The following PRKCZ variants were observed in gnomAD, a reference collection of about 807,000 sequenced individuals.
The protein encoded by PRKCZ is protein kinase C zeta type.
A neutral mutation model predicts 79.5 loss-of-function variants in PRKCZ; 33 were observed. The observed-to-expected ratio is 0.41, with a 90% CI of 0.31 to 0.55. PRKCZ has a LOEUF of 0.55. PRKCZ is among the 20% of genes least tolerant of loss of function. The pLI is 0.19. For synonymous variants in PRKCZ, 342 were observed against 320.9 expected, an observed-to-expected ratio of 1.07 and a Z score of -0.70; for missense variants, 578 against 813.5, an observed-to-expected ratio of 0.71 and a Z score of 3.52.
At chr1:2,146,778 A>G (rs551936405) in intron 7 of PRKCZ, among the ~76,000 whole-genome samples, 2 of 152,298 alleles carry the variant, frequency 1.3e-5, no homozygotes, top group East Asian at 3.9e-4. Context: ...AACATAAAGC[A>G]CTTAGTTCAC....
chr1:2,184,316 G>T (rs1394066944), intron 16 of PRKCZ: 7 of 391,332 alleles, frequency 1.8e-5, no homozygotes, highest in South Asian at 1.0e-4. Flanking sequence ...GGGTGGCCTC[G>T]CATGGGTGGC....
intron 4 of PRKCZ, among the ~76,000 whole-genome samples, chr1:2,060,968 G>A (rs529797069): frequency 1.1e-4 from 16 of 152,310 alleles, no homozygotes; most frequent in African/African-American, 3.6e-4. Flanking sequence ...GGGAGGGCAC[G>A]GTTCACTGCG....
chr1:2,085,124 G>T (rs1271406214), intron 4 of PRKCZ, among the ~76,000 whole-genome samples: 1 of 152,188 alleles, frequency 6.6e-6, no homozygotes, highest in Non-Finnish European at 1.5e-5. Context: ...TGCGGGTAGG[G>T]GGCGATTCCT....
At position 2,149,120 on chromosome 1, in the gene PRKCZ, AC is replaced by A. The variant is rs1679323489; in HGVS notation, c.687+198del. Reference sequence around the variant, plus strand: ...TACTTCAGGCATGTCCTTGATGAATACCTGCAGGCAGCTGTCCCCGCAGGTG... The same window carrying A: ...TACTTCAGGCATGTCCTTGATGAATACTGCAGGCAGCTGTCCCCGCAGGTG... On this transcript the variant is annotated intron_variant, in intron 8 of 17. Coordinates refer to ENST00000378567, the MANE Select transcript of PRKCZ (RefSeq NM_002744.6). The surrounding 1 kb of genome is among the most constrained non-coding windows in gnomAD (Gnocchi z 4.1). 6.6e-6 allele frequency among the ~76,000 whole-genome samples: 1 copy of A among 152,146 alleles called. No homozygotes were observed. Among genetic ancestry groups the A allele is most frequent in the Non-Finnish European group, 1.5e-5 (1 of 68,016 alleles).
At chr1:2,059,707 C>A in intron 4 of PRKCZ, 116 bp downstream of exon 4, 1 of 1,385,232 alleles carries the variant, frequency 7.2e-7, no homozygotes, top group South Asian at 1.2e-5. Context: ...CGTGGAGCGT[C>A]AGGGCAGGAG....
At position 2,168,907 on chromosome 1, in the gene PRKCZ, T is replaced by C. The variant is rs746805408; in HGVS notation, c.975-611T>C. On this transcript the variant is annotated intron_variant, in intron 10 of 17. Coordinates refer to ENST00000378567, the MANE Select transcript of PRKCZ (RefSeq NM_002744.6). The surrounding 1 kb of genome is among the most constrained non-coding windows in gnomAD (Gnocchi z 4.7). ...AAGATCTTATTAGGAAGAGAAACCA[T>C]GTGGCCCAGTCCCTGAGACGGGAAG... is the stretch of plus-strand genomic sequence containing the variant. The C allele has an allele frequency of 3.6e-6, 1 of 278,094 alleles. No homozygotes were observed. The highest frequency in any genetic ancestry group is 7.4e-6 in the Non-Finnish European group (1 of 134,928). 17.2% of individuals were successfully genotyped at this position (278,094 alleles called of 1,614,324 possible).
At chr1:2,144,954 T>G (rs1678194491) in intron 6 of PRKCZ, 1 of 152,894 alleles carries the variant, frequency 6.5e-6, no homozygotes. Flanking sequence ...TGGGCCCTGC[T>G]GCAGCGTGCA....
intron 4 of PRKCZ, among the ~76,000 whole-genome samples, chr1:2,078,009 G>A (rs987122201): frequency 1.8e-4 from 27 of 152,240 alleles, no homozygotes; most frequent in African/African-American, 5.1e-4. Context: ...GTTTAAATCA[G>A]TTTCCTAGAT....
At chr1:2,079,555 G>A (rs16824727) in intron 4 of PRKCZ, among the ~76,000 whole-genome samples, 17,319 of 152,196 alleles carry the variant, frequency 0.11, 1,128 homozygotes, top group East Asian at 0.21. Context: ...ACCGTGTCCC[G>A]GACCCTCATA....
rs755960642 is a variant in PRKCZ at position 2,073,936 on chromosome 1, C to T, written c.334+14345C>T. The T allele has an allele frequency of 7.0e-4, 940 of 1,346,078 alleles. 7 individuals carry two copies. The highest frequency in any genetic ancestry group is 1.6e-4 in the African/African-American group (11 of 67,564). The allele number at this position is 1,346,078 out of a possible 1,614,324, so 83.4% of individuals were successfully genotyped here. ...AGGCAGGAGAAGAAAGCCGGTGAGTCGGGGGCATCTCCCCCGTGGATTTTC... is the reference window on the plus strand; with the variant it reads ...AGGCAGGAGAAGAAAGCCGGTGAGTTGGGGGCATCTCCCCCGTGGATTTTC... On this transcript the variant is annotated intron_variant, in intron 4 of 17. Transcript: ENST00000378567.
Position 2,050,445 on chromosome 1 carries a change from C to A in PRKCZ, c.-186C>A. The A allele has an allele frequency of 4.8e-6, 1 of 207,110 alleles. No homozygotes were observed. The highest frequency in any genetic ancestry group is 1.6e-4 in the South Asian group (1 of 6,128). The allele number at this position is 207,110 out of a possible 1,614,324, so 12.8% of individuals were successfully genotyped here. ...CCGCCCCCCGCCCCCGCCGGACGGT[C>A]CCGCCCCGCGCGCCCCCCGCTCCCG... On this transcript the variant is annotated 5_prime_UTR_variant, in exon 1 of 18. Transcript: ENST00000378567.
chr1:2,060,564 C>T (rs1660581471), intron 4 of PRKCZ, among the ~76,000 whole-genome samples: 1 of 152,116 alleles, frequency 6.6e-6, no homozygotes, highest in African/African-American at 2.4e-5. Flanking sequence ...GTAGGGGAGG[C>T]CCCAGGAGCC....
chr1:2,184,733 C>A (rs1285263821), intron 17 of PRKCZ, 35 bp downstream of exon 17: 10 of 1,582,378 alleles, frequency 6.3e-6, no homozygotes, highest in Non-Finnish European at 8.6e-6. Context: ...CTGGAGCACC[C>A]CTCGGGCAGC....
intron 3 of PRKCZ, among the ~76,000 whole-genome samples, chr1:2,058,217 G>C (rs1235441706): frequency 4.6e-5 from 7 of 151,216 alleles, no homozygotes; most frequent in Non-Finnish European, 1.0e-4. Flanking sequence ...TGGCCAGGCT[G>C]TTCTCAAACT....
chr1:2,147,021 G>C (rs1678690952), intron 7 of PRKCZ, among the ~76,000 whole-genome samples: 2 of 151,884 alleles, frequency 1.3e-5, no homozygotes, highest in Admixed American at 1.3e-4. Context: ...CAGCCAGCCA[G>C]CCATCCTCCA....
At chr1:2,104,235 G>A (rs1571397433) in intron 4 of PRKCZ, among the ~76,000 whole-genome samples, 1 of 152,144 alleles carries the variant, frequency 6.6e-6, no homozygotes, top group African/African-American at 2.4e-5. Context: ...GGATGTGGGC[G>A]GGAGGGGAGC....
chr1:2,158,436 C>T (rs1322537554), intron 10 of PRKCZ, among the ~76,000 whole-genome samples: 3 of 152,234 alleles, frequency 2.0e-5, no homozygotes, highest in Non-Finnish European at 2.9e-5. Context: ...TCGCCCGCAC[C>T]GCCTGCGCCT....
intron 9 of PRKCZ, among the ~76,000 whole-genome samples, chr1:2,152,498 C>T (rs572653528): frequency 6.6e-6 from 1 of 152,314 alleles, no homozygotes; most frequent in African/African-American, 2.4e-5. Context: ...CGCTACTGCA[C>T]TCCAGTCTGG....
chr1:2,065,919 GTTT>G (rs929478735), intron 4 of PRKCZ, among the ~76,000 whole-genome samples: 1 of 151,638 alleles, frequency 6.6e-6, no homozygotes, highest in African/African-American at 2.4e-5. Context: ...ACGATCATGT[GTTT>G]TTTTTACCTT....
Sources: allele counts gnomAD v4.1 joint callset (sites outside exome capture counted in the v4.1 genomes callset), GRCh38; gene constraint gnomAD v4.1.1; non-coding constraint Gnocchi (gnomAD v3.1); transcripts MANE v1.5; gene names NCBI Gene and HGNC (gene_info 2026-07-23, HGNC 2026-07-21).